PPP1R17: variants seen among roughly 807,000 people sequenced by gnomAD.
PPP1R17 encodes the protein protein phosphatase 1 regulatory subunit 17.
A neutral mutation model predicts 15.9 loss-of-function variants in PPP1R17; 12 were observed. The ratio of observed to expected loss-of-function variants is 0.75; its 90% confidence interval spans 0.48 to 1.22. The LOEUF (loss-of-function observed/expected upper bound fraction) is 1.22. PPP1R17 is among the 50% of genes most tolerant of loss of function. The pLI, the probability that PPP1R17 is intolerant of heterozygous loss-of-function variation, is 0.00. For synonymous variants in PPP1R17, 63 were observed against 64.5 expected, an observed-to-expected ratio of 0.98 and a Z score of 0.11; for missense variants, 211 against 187.3, an observed-to-expected ratio of 1.13 and a Z score of -0.74.
intron 1 of PPP1R17, among the ~76,000 whole-genome samples, chr7:31,690,914 G>A (rs530483035): frequency 6.6e-6 from 1 of 152,162 alleles, no homozygotes; most frequent in South Asian, 2.1e-4. Flanking sequence ...AACATAATAT[G>A]TATGACTGGG....
chr7:31,702,327 G>A (rs1583852575), intron 4 of PPP1R17, among the ~76,000 whole-genome samples: 1 of 152,224 alleles, frequency 6.6e-6, no homozygotes, highest in East Asian at 1.9e-4. Context: ...TAGATAGGGT[G>A]GTGCAGAGCA....
At chr7:31,688,524 G>A (rs543610489) in intron 1 of PPP1R17, among the ~76,000 whole-genome samples, 80 of 152,328 alleles carry the variant, frequency 5.3e-4, no homozygotes, top group Admixed American at 1.1e-3. Context: ...CTGCAATATA[G>A]TGGGGTCCCT....
At chr7:31,704,514 T>C (rs1288703262) in intron 4 of PPP1R17, among the ~76,000 whole-genome samples, 5 of 152,216 alleles carry the variant, frequency 3.3e-5, no homozygotes. Flanking sequence ...AAATCCCTAC[T>C]GCATTCTAAG....
chr7:31,687,552 T>C (rs1792154659), intron 1 of PPP1R17, among the ~76,000 whole-genome samples: 2 of 152,192 alleles, frequency 1.3e-5, no homozygotes, highest in Admixed American at 1.3e-4. Context: ...CAAGATGAAG[T>C]TGGTGTATCT....
rs1343891365 is a variant in PPP1R17 at position 31,707,470 on chromosome 7, G to A, written c.*187G>A. ...CTCTTTGTCTCTCTCTTCTTTCTGA[G>A]TATGGTTTCTATTCTGTGTTTTGAA... On this transcript the variant is annotated 3_prime_UTR_variant, in exon 5 of 5. Transcript: ENST00000342032. The A allele has an allele frequency of 8.7e-6, 5 of 575,852 alleles. No homozygotes were observed. Among genetic ancestry groups the A allele is most frequent in the African/African-American group, 5.7e-5 (3 of 52,854 alleles). The allele number at this position is 575,852 out of a possible 1,614,324, so 35.7% of individuals were successfully genotyped here. A position where few individuals can be genotyped will look rare whatever the true frequency, so the allele number is the denominator to read the frequency against.
chr7:31,689,730 T>C (rs1792259446), intron 1 of PPP1R17, among the ~76,000 whole-genome samples: 1 of 152,298 alleles, frequency 6.6e-6, no homozygotes, highest in South Asian at 2.1e-4. Flanking sequence ...TCCCCTCCAC[T>C]TGCTTGTTCT....
At chr7:31,690,453 T>C (rs562907028) in intron 1 of PPP1R17, among the ~76,000 whole-genome samples, 1 of 152,342 alleles carries the variant, frequency 6.6e-6, no homozygotes, top group Non-Finnish European at 1.5e-5. Context: ...CACAAAGATG[T>C]TAGCCTTTGC....
intron 4 of PPP1R17, 137 bp from the exon 5 acceptor site, chr7:31,707,067 G>A (rs1793098020): frequency 1.5e-6 from 1 of 674,668 alleles, no homozygotes; most frequent in Non-Finnish European, 2.5e-6. Flanking sequence ...TCTCTGGGTT[G>A]GTACTGTTAG....
In PPP1R17 at chr7:31,700,619, C is replaced by A. The variant is rs150829582; in HGVS notation, c.388+3502C>A. ...TAGATGAAACAGCCTTCTATTGGAA[C>A]AAGATGCCATCTAGGCCATTCATAG... is the stretch of plus-strand genomic sequence containing the variant. On this transcript the variant is annotated intron_variant, in intron 4 of 4. Coordinates refer to ENST00000342032, the MANE Select transcript of PPP1R17 (RefSeq NM_006658.5). Among the ~76,000 whole-genome samples, 594 of 152,244 alleles carry A rather than the reference C, an allele frequency of 3.9e-3. 1 individual carries two copies. The highest frequency in any genetic ancestry group is 0.014 in the African/African-American group (578 of 41,542).
At chr7:31,694,243 A>T (rs558618682) in intron 2 of PPP1R17, among the ~76,000 whole-genome samples, 2 of 152,174 alleles carry the variant, frequency 1.3e-5, no homozygotes, top group African/African-American at 4.8e-5. Context: ...TACATTTATG[A>T]AGATGGGAAG....
intron 1 of PPP1R17, 73 bp from the exon 2 acceptor site, chr7:31,692,333 A>G: frequency 2.2e-6 from 2 of 905,494 alleles, no homozygotes; most frequent in Non-Finnish European, 1.7e-6. Flanking sequence ...CAACAAATAT[A>G]TTTACTTAGC....
chr7:31,704,781 A>T lies in PPP1R17; in HGVS notation c.389-2423A>T, dbSNP rs1792997312. Among the ~76,000 whole-genome samples the T allele has an allele frequency of 2.0e-5, 3 of 152,156 alleles. 1 individual carries two copies. The South Asian group carries it at 6.2e-4, about 32-fold the overall frequency. On this transcript the variant is annotated intron_variant, in intron 4 of 4. Transcript: ENST00000342032. Reference sequence around the variant, plus strand: ...TTAAGTGAGTGCTCAAGGCTTAATGATCACCATAGGCAAAGCTTTCTGGCT... The same window carrying T: ...TTAAGTGAGTGCTCAAGGCTTAATGTTCACCATAGGCAAAGCTTTCTGGCT...
chr7:31,690,249 G>A (rs940347725), intron 1 of PPP1R17, among the ~76,000 whole-genome samples: 1 of 152,198 alleles, frequency 6.6e-6, no homozygotes, highest in African/African-American at 2.4e-5. Flanking sequence ...GTGGTAGATA[G>A]ACAACATTAC....
intron 1 of PPP1R17, among the ~76,000 whole-genome samples, chr7:31,691,168 A>T (rs1322581269): frequency 6.6e-6 from 1 of 152,220 alleles, no homozygotes; most frequent in African/African-American, 2.4e-5. Context: ...TGACTCTAAA[A>T]GCTGTGCTCA....
chr7:31,707,299 G>C lies in PPP1R17; in HGVS notation c.*16G>C, dbSNP rs1793109604. The C allele has an allele frequency of 6.2e-7, 1 of 1,605,046 alleles. No individual in the cohort carries two copies. Among genetic ancestry groups the C allele is most frequent in the Non-Finnish European group, 8.5e-7 (1 of 1,172,278 alleles). On this transcript the variant is annotated 3_prime_UTR_variant, in exon 5 of 5. Transcript: ENST00000342032. ...AGCTATTTAAAGATAGTTCCCCTGA[G>C]ACCACTTGTAAATAGGTTAGATTGG...
In PPP1R17 at chr7:31,692,612, G is replaced by A. The variant is rs59793625; in HGVS notation, c.82+89G>A. 5.4e-3 allele frequency: 6,739 copies of A among 1,253,512 alleles called. 246 individuals carry two copies. In the African/African-American group the frequency reaches 0.083, roughly 15 times the overall value. 77.6% of individuals were successfully genotyped at this position (1,253,512 alleles called of 1,614,324 possible). A position where few individuals can be genotyped will look rare whatever the true frequency, so the allele number is the denominator to read the frequency against. On this transcript the variant is annotated intron_variant, in intron 2 of 4. Transcript: ENST00000342032. ...TGGTTTGCAGGCAAGTCAGAGAGAG[G>A]GCACCCCCCGAAACCTGATAGTCTG... is the stretch of plus-strand genomic sequence containing the variant.
At chr7:31,706,811 C>T (rs1731265424) in intron 4 of PPP1R17, among the ~76,000 whole-genome samples, 4 of 152,202 alleles carry the variant, frequency 2.6e-5, no homozygotes, top group Admixed American at 2.6e-4. Flanking sequence ...TTACTGTACT[C>T]ATGTTATATT....
chr7:31,694,731 G>A (rs1260594283), intron 2 of PPP1R17, among the ~76,000 whole-genome samples: 1 of 152,192 alleles, frequency 6.6e-6, no homozygotes, highest in Non-Finnish European at 1.5e-5. Context: ...AGAGGAGTAA[G>A]AGGGAGCAGA....
At chr7:31,687,756 G>A (rs1289668486) in intron 1 of PPP1R17, among the ~76,000 whole-genome samples, 1 of 152,086 alleles carries the variant, frequency 6.6e-6, no homozygotes, top group Non-Finnish European at 1.5e-5. Context: ...CAATCCTCTG[G>A]TTAAAAAGAG....
Sources: allele counts gnomAD v4.1 joint callset (sites outside exome capture counted in the v4.1 genomes callset), GRCh38; gene constraint gnomAD v4.1.1; transcripts MANE v1.5; gene names NCBI Gene and HGNC (gene_info 2026-07-23, HGNC 2026-07-21).